PPP1R12B: variants seen among roughly 807,000 people sequenced by gnomAD.
PPP1R12B encodes protein phosphatase 1 regulatory subunit 12B, also known as myosin phosphatase target subunit 2.
In PPP1R12B, 76 loss-of-function variants were observed where a neutral mutation model predicts 126.1. The observed-to-expected ratio is 0.60, with a 90% confidence interval of 0.50 to 0.73. The LOEUF (loss-of-function observed/expected upper bound fraction) is 0.73, where lower values mean the gene tolerates loss of function less well. Ranked by LOEUF, PPP1R12B falls within the 30% of genes least tolerant of loss-of-function variation. The probability of loss-of-function intolerance (pLI) is 0.00; values close to 1 mark genes in which losing one functional copy is unlikely to be tolerated. For missense variants in PPP1R12B, 1,052 were observed against 1,205.1 expected (o/e 0.87, Z 1.88); for synonymous variants, 356 against 434.7 (o/e 0.82, Z 2.25).
At chr1:202,359,431 C>T (rs535188989) in intron 1 of PPP1R12B, among the ~76,000 whole-genome samples, 165 of 152,036 alleles carry the variant, frequency 1.1e-3, no homozygotes, top group Admixed American at 1.8e-3. Flanking sequence ...CCGTGCCCAG[C>T]TTATATTTTA....
In PPP1R12B at chr1:202,508,312, T is replaced by C. The variant is rs1394303882; in HGVS notation, c.2490+11490T>C. 6.6e-6 allele frequency among the ~76,000 whole-genome samples: 1 copy of C among 152,230 alleles called. No homozygotes were observed. Among genetic ancestry groups the C allele is most frequent in the Non-Finnish European group, 1.5e-5 (1 of 68,040 alleles). ...ATGTGCCTTCATAGAATATGTACTT[T>C]TAAGAAACTCTTAACTTTTTTATAG... On this transcript the variant is annotated intron_variant, in intron 18 of 23. Coordinates refer to ENST00000608999, the MANE Select transcript of PPP1R12B (RefSeq NM_002481.4). This position sits in a 1 kb window ranked among gnomAD's most constrained non-coding sequence, Gnocchi z 4.5.
Position 202,487,926 on chromosome 1 carries a change from A to G in PPP1R12B, c.1851-607A>G, listed in dbSNP as rs77949699. Among the ~76,000 whole-genome samples the G allele has an allele frequency of 1.8e-3, 277 of 152,304 alleles. 5 individuals are homozygous for G. In the East Asian group the frequency reaches 0.034, roughly 19 times the overall value. ...CAATACCTTTCAAGACTTCCAGTGG[A>G]TGACTGAACCTACAGATAGTACAGA... On this transcript the variant is annotated intron_variant, in intron 13 of 23. Coordinates refer to ENST00000608999, the MANE Select transcript of PPP1R12B (RefSeq NM_002481.4).
At position 202,581,446 on chromosome 1, in the gene PPP1R12B, C is replaced by T. The variant is rs1223914072; in HGVS notation, c.*886C>T. ...AGGTAGACTATGGCATAAGTGTCAG[C>T]TCATTGTTTTCGTCTCCCACTTATC... On this transcript the variant is annotated 3_prime_UTR_variant, in exon 24 of 24. Coordinates refer to ENST00000608999, the MANE Select transcript of PPP1R12B (RefSeq NM_002481.4). 1 of 152,222 alleles carries T rather than the reference C, an allele frequency of 6.6e-6. No individual in the cohort carries two copies. Among genetic ancestry groups the T allele is most frequent in the African/African-American group, 2.4e-5 (1 of 41,450 alleles). The allele number at this position is 152,222 out of a possible 1,614,324, so 9.4% of individuals were successfully genotyped here. A position where few individuals can be genotyped will look rare whatever the true frequency, so the allele number is the denominator to read the frequency against.
intron 3 of PPP1R12B, among the ~76,000 whole-genome samples, 153 bp downstream of exon 3, chr1:202,422,891 T>C (rs1304143230): frequency 6.6e-6 from 1 of 152,264 alleles, no homozygotes; most frequent in East Asian, 1.9e-4. Context: ...CAGCATCATG[T>C]ATCCTCATAA....
At chr1:202,359,140 A>G (rs146938335) in intron 1 of PPP1R12B, among the ~76,000 whole-genome samples, 215 of 151,946 alleles carry the variant, frequency 1.4e-3, no homozygotes, top group African/African-American at 5.0e-3. Context: ...CCTAGATATC[A>G]CATAATTTTT....
chr1:202,462,998 C>T, intron 13 of PPP1R12B: 1 of 985,298 alleles, frequency 1.0e-6, no homozygotes, highest in Non-Finnish European at 1.2e-6. Context: ...TGAGACAAGC[C>T]TCTGCCATAG....
chr1:202,518,742 T>C (rs72748788), intron 18 of PPP1R12B, among the ~76,000 whole-genome samples: 163 of 152,336 alleles, frequency 1.1e-3, no homozygotes, highest in Admixed American at 3.1e-3. Flanking sequence ...TGTGTAATTT[T>C]TCCCCCCTTA....
Position 202,468,633 on chromosome 1 carries a change from A to T in PPP1R12B, c.1850+19462A>T, listed in dbSNP as rs114741483. ...GCTCCCTTACAAGATCTTGCTTCAG[A>T]ACAGAGCATTTGGAATAGGTAAAGA... On this transcript the variant is annotated intron_variant, in intron 13 of 23. Transcript: ENST00000608999. Among the ~76,000 whole-genome samples the T allele has an allele frequency of 1.8e-3, 267 of 152,298 alleles. 1 individual carries two copies. The highest frequency in any genetic ancestry group is 2.7e-3 in the Non-Finnish European group (186 of 68,012).
chr1:202,354,671 CAG>C (rs1054852546), intron 1 of PPP1R12B, among the ~76,000 whole-genome samples: 8 of 150,848 alleles, frequency 5.3e-5, no homozygotes, highest in African/African-American at 9.8e-5. Context: ...TTTTTTGAGA[CAG>C]AGTCTCGCTC....
intron 1 of PPP1R12B, among the ~76,000 whole-genome samples, chr1:202,407,406 T>C (rs1666774750): frequency 6.6e-6 from 1 of 152,184 alleles, no homozygotes; most frequent in Non-Finnish European, 1.5e-5. Context: ...AAAATCTTAA[T>C]CAGTATGACA....
In PPP1R12B at chr1:202,569,131, CA is replaced by C; in HGVS notation, c.2812-15del. On this transcript the variant is annotated splice_polypyrimidine_tract_variant and intron_variant, in intron 22 of 23. Coordinates refer to ENST00000608999, the MANE Select transcript of PPP1R12B (RefSeq NM_002481.4). ...TGAATTCAATAATGTTCAACAGTCTCATTGTTCCGAAACAGGAGAGGCGAGC... is the reference window on the plus strand; with the variant it reads ...TGAATTCAATAATGTTCAACAGTCTCTTGTTCCGAAACAGGAGAGGCGAGC... The C allele has an allele frequency of 6.2e-7, 1 of 1,611,782 alleles. No homozygotes were observed. The highest frequency in any genetic ancestry group is 8.5e-7 in the Non-Finnish European group (1 of 1,178,060).
chr1:202,503,775 A>G (rs1296186562), intron 18 of PPP1R12B, among the ~76,000 whole-genome samples: 1 of 150,746 alleles, frequency 6.6e-6, no homozygotes, highest in Non-Finnish European at 1.5e-5. Context: ...CATTGTTCTT[A>G]TTTTACCTTT....
In PPP1R12B at chr1:202,348,734, G is replaced by A; in HGVS notation, c.-118G>A. ...GCGGGAGGAGTAAAGATGGCGGCGC[G>A]AGGGTCTCCGCCCTCTGCTCCGGGC... On this transcript the variant is annotated 5_prime_UTR_variant, in exon 1 of 24. Coordinates refer to ENST00000608999, the MANE Select transcript of PPP1R12B (RefSeq NM_002481.4). 7.6e-7 allele frequency: 1 copy of A among 1,313,706 alleles called. No individual in the cohort carries two copies. The highest frequency in any genetic ancestry group is 1.0e-6 in the Non-Finnish European group (1 of 979,048). 81.4% of individuals were successfully genotyped at this position (1,313,706 alleles called of 1,614,324 possible).
Position 202,583,611 on chromosome 1 carries a change from A to T in PPP1R12B, c.*3051A>T, listed in dbSNP as rs535689707. On this transcript the variant is annotated 3_prime_UTR_variant, in exon 24 of 24. Coordinates refer to ENST00000608999, the MANE Select transcript of PPP1R12B (RefSeq NM_002481.4). ...CACAACTGTATTGTCTGGAAGCCCC[A>T]TGAGATGGTAATTATAGGCCTTCTA... 6.6e-6 allele frequency: 1 copy of T among 152,312 alleles called. No individual in the cohort carries two copies. The highest frequency in any genetic ancestry group is 1.9e-4 in the East Asian group (1 of 5,186). The allele number at this position is 152,312 out of a possible 1,614,324, so 9.4% of individuals were successfully genotyped here. A position where few individuals can be genotyped will look rare whatever the true frequency, so the allele number is the denominator to read the frequency against.
intron 18 of PPP1R12B, among the ~76,000 whole-genome samples, chr1:202,524,516 C>A (rs1243043722): frequency 1.3e-5 from 2 of 152,022 alleles, no homozygotes; most frequent in Non-Finnish European, 2.9e-5. Flanking sequence ...TTCCTTACCC[C>A]CCTCTCACGC....
intron 9 of PPP1R12B, among the ~76,000 whole-genome samples, chr1:202,437,477 C>T (rs916221397): frequency 1.3e-5 from 2 of 152,166 alleles, no homozygotes; most frequent in South Asian, 2.1e-4. Flanking sequence ...TTCAGTTCCA[C>T]GGTGAGTTAG....
intron 1 of PPP1R12B, among the ~76,000 whole-genome samples, chr1:202,371,647 G>A (rs1468058240): frequency 2.6e-5 from 4 of 151,756 alleles, no homozygotes; most frequent in South Asian, 2.1e-4. Flanking sequence ...GTTTCTTTAC[G>A]TTCTTGTTTT....
At position 202,445,083 on chromosome 1, in the gene PPP1R12B, T is replaced by A. The variant is rs1017516412; in HGVS notation, c.1667+2511T>A. ...TAGAAGTAGTGACCCCACAAGTCCC[T>A]ACATTTCAGCCAATCGCAATTCATC... On this transcript the variant is annotated intron_variant, in intron 12 of 23. Coordinates refer to ENST00000608999, the MANE Select transcript of PPP1R12B (RefSeq NM_002481.4). 75 of 1,247,308 alleles carry A rather than the reference T, an allele frequency of 6.0e-5. No homozygotes were observed. In the African/African-American group the frequency reaches 7.1e-4, roughly 12 times the overall value. 77.3% of individuals were successfully genotyped at this position (1,247,308 alleles called of 1,614,324 possible). A position where few individuals can be genotyped will look rare whatever the true frequency, so the allele number is the denominator to read the frequency against.
At chr1:202,432,718 C>G (rs561364560) in intron 8 of PPP1R12B, among the ~76,000 whole-genome samples, 10 of 152,302 alleles carry the variant, frequency 6.6e-5, no homozygotes, top group Admixed American at 6.5e-4. Flanking sequence ...TGTACCTAAG[C>G]CCCATTTTCA....
Sources: allele counts gnomAD v4.1 joint callset (sites outside exome capture counted in the v4.1 genomes callset), GRCh38; gene constraint gnomAD v4.1.1; non-coding constraint Gnocchi (gnomAD v3.1); transcripts MANE v1.5; gene names NCBI Gene and HGNC (gene_info 2026-07-23, HGNC 2026-07-21).